The following MAST4 variants were observed in gnomAD, a reference collection of about 807,000 sequenced individuals.
MAST4 encodes the protein microtubule-associated serine/threonine-protein kinase 4.
A neutral mutation model predicts 162.7 loss-of-function variants in MAST4; 89 were observed. The ratio of observed to expected loss-of-function variants is 0.55; its 90% CI spans 0.46 to 0.65. MAST4 has a LOEUF of 0.65. Among genes scored for constraint, MAST4 ranks in the 30% least tolerant of loss-of-function variants. MAST4 has a pLI of 0.00. For synonymous variants in MAST4, 1,479 were observed against 1,361.1 expected, an observed-to-expected ratio of 1.09 and a Z score of -1.91; for missense variants, 3,153 against 3,374.0, an observed-to-expected ratio of 0.93 and a Z score of 1.62.
intron 2 of MAST4, among the ~76,000 whole-genome samples, chr5:66,774,202 T>A (rs554397813): frequency 3.9e-5 from 6 of 152,260 alleles, no homozygotes; most frequent in Non-Finnish European, 8.8e-5. Context: ...AGGGTTTAGA[T>A]TGGTCTGATA....
At chr5:66,720,360 G>T (rs936136764) in intron 1 of MAST4, among the ~76,000 whole-genome samples, 9 of 151,940 alleles carry the variant, frequency 5.9e-5, no homozygotes, top group African/African-American at 2.2e-4. Context: ...AAATTTGATA[G>T]TGTCCCCTGT....
chr5:66,959,135 A>G (rs1330230185), intron 4 of MAST4: 1 of 729,972 alleles, frequency 1.4e-6, no homozygotes, highest in Non-Finnish European at 2.6e-6. Context: ...CCCCCTCGAG[A>G]GAGTGTTAGT....
intron 3 of MAST4, among the ~76,000 whole-genome samples, chr5:66,884,681 C>A (rs958510496): frequency 6.6e-6 from 1 of 152,174 alleles, no homozygotes; most frequent in African/African-American, 2.4e-5. Context: ...CAAGGACTGT[C>A]CTAGTTTGTT....
At chr5:66,834,802 G>A (rs1182647662) in intron 3 of MAST4, among the ~76,000 whole-genome samples, 1 of 152,148 alleles carries the variant, frequency 6.6e-6, no homozygotes, top group African/African-American at 2.4e-5. Context: ...TTAGTTCATC[G>A]CCTTCCATTT....
intron 4 of MAST4, among the ~76,000 whole-genome samples, chr5:66,928,049 G>A (rs1463744414): frequency 6.6e-6 from 1 of 152,074 alleles, no homozygotes; most frequent in Non-Finnish European, 1.5e-5. Flanking sequence ...CAGTTATATT[G>A]ATTTAGTGTC....
chr5:66,664,097 A>C (rs1475080925), intron 1 of MAST4, among the ~76,000 whole-genome samples: 1 of 152,126 alleles, frequency 6.6e-6, no homozygotes, highest in Non-Finnish European at 1.5e-5. Flanking sequence ...TAGAATTGGC[A>C]TTTACTGAGC....
intron 1 of MAST4, among the ~76,000 whole-genome samples, chr5:66,658,206 A>G (rs1746674965): frequency 6.6e-6 from 1 of 152,224 alleles, no homozygotes; most frequent in African/African-American, 2.4e-5. Context: ...GCTTTTTAAA[A>G]TTTGCATCAT....
intron 5 of MAST4, among the ~76,000 whole-genome samples, chr5:67,085,724 TA>T (rs1259296684): frequency 1.3e-5 from 2 of 152,174 alleles, no homozygotes; most frequent in Non-Finnish European, 2.9e-5. Flanking sequence ...CTTGGCCACT[TA>T]GAGTCGAAAC....
chr5:67,057,404 G>A (rs116673173), intron 5 of MAST4, among the ~76,000 whole-genome samples: 6 of 151,874 alleles, frequency 4.0e-5, no homozygotes, highest in Admixed American at 2.0e-4. Flanking sequence ...CAGTCATCAC[G>A]GACACATCGT....
chr5:67,018,220 T>C (rs964273386), intron 4 of MAST4, among the ~76,000 whole-genome samples: 2 of 152,172 alleles, frequency 1.3e-5, no homozygotes, highest in African/African-American at 4.8e-5. Context: ...AACTAAATTG[T>C]GTGGTCTACT....
chr5:66,763,822 A>G (rs1470967545), intron 2 of MAST4, among the ~76,000 whole-genome samples: 2 of 152,044 alleles, frequency 1.3e-5, no homozygotes, highest in African/African-American at 2.4e-5. Context: ...GACTTAAGAT[A>G]TTTTTTACTT....
chr5:66,700,787 A>G (rs1026113641), intron 1 of MAST4, among the ~76,000 whole-genome samples: 78 of 104,592 alleles, frequency 7.5e-4, no homozygotes, highest in African/African-American at 2.7e-3. Context: ...AAAATTATAT[A>G]TATATATATA....
intron 6 of MAST4, among the ~76,000 whole-genome samples, chr5:67,091,102 G>A (rs1763819929): frequency 6.6e-6 from 1 of 152,076 alleles, no homozygotes; most frequent in Non-Finnish European, 1.5e-5. Context: ...GTGGATTAAA[G>A]TAGGACTTAA....
intron 26 of MAST4, among the ~76,000 whole-genome samples, chr5:67,154,607 C>T (rs945384249): frequency 4.6e-5 from 7 of 152,180 alleles, no homozygotes; most frequent in Non-Finnish European, 7.3e-5. Flanking sequence ...CATCTGGCTA[C>T]GGAGCACCTT....
At chr5:66,950,232 C>CT (rs200233353) in intron 4 of MAST4, among the ~76,000 whole-genome samples, 8 of 131,588 alleles carry the variant, frequency 6.1e-5, no homozygotes, top group African/African-American at 8.3e-5. Context: ...CTTTTTTTTT[C>CT]TTTTTTTTTC....
In MAST4 at chr5:66,939,133, TAAAAG is replaced by T. The variant is rs1436073227; in HGVS notation, c.674+39156_674+39160del. Reference sequence around the variant, plus strand: ...TATATTAATCAGTTAACAAAATAGGTAAAAGAAAAACAGATGGAAATTTGGAAAAT... The same window carrying T: ...TATATTAATCAGTTAACAAAATAGGTAAAAACAGATGGAAATTTGGAAAAT... On this transcript the variant is annotated intron_variant, in intron 4 of 28. Coordinates refer to ENST00000403625, the MANE Select transcript of MAST4 (RefSeq NM_001164664.2). 2.0e-5 allele frequency among the ~76,000 whole-genome samples: 3 copies of T among 152,064 alleles called. No homozygotes were observed. The East Asian group carries it at 5.8e-4, about 29-fold the overall frequency.
chr5:66,964,453 CT>C (rs1746406540), intron 4 of MAST4, among the ~76,000 whole-genome samples: 2 of 151,906 alleles, frequency 1.3e-5, no homozygotes, highest in Non-Finnish European at 2.9e-5. Flanking sequence ...CTTCCTGTAT[CT>C]AATCGGAAGA....
intron 4 of MAST4, among the ~76,000 whole-genome samples, chr5:67,027,186 C>A (rs1754750831): frequency 6.6e-6 from 1 of 152,136 alleles, no homozygotes; most frequent in South Asian, 2.1e-4. Context: ...TAATGTTGTA[C>A]TAAGAAAGGT....
rs2150849177 is a variant in MAST4, at chr5:67,100,519, T to A, written c.997T>A (p.Cys333Ser). ...DELHFLSKHF[C>S]TTESIATENR... ...GTTACACTTCTTATCAAAACATTTC[T>A]GTACCACCGAAAGCATCGCCACTGA... Residue 333 changes from cysteine to serine, a missense_variant, in exon 8 of 29, where the codon TGT becomes AGT. By Grantham distance (112) the Cys-to-Ser change is moderately radical (BLOSUM62 -1). Coordinates refer to ENST00000403625, the MANE Select transcript of MAST4 (RefSeq NM_001164664.2). The A allele has an allele frequency of 6.2e-7, 1 of 1,613,956 alleles. No homozygotes were observed. The highest frequency in any genetic ancestry group is 1.1e-5 in the South Asian group (1 of 91,074).
Sources: gnomAD v4.1 joint callset for allele counts (sites outside exome capture counted in the v4.1 genomes callset) on GRCh38, gnomAD v4.1.1 for gene constraint, MANE v1.5 for transcripts, NCBI Gene and HGNC (gene_info 2026-07-23, HGNC 2026-07-21) for gene names.